Variants in CDH18 observed in about 807,000 individuals in gnomAD.
The protein encoded by CDH18 is cadherin 18.
A neutral mutation model predicts 67.9 loss-of-function variants in CDH18; 31 were observed. The ratio of observed to expected loss-of-function variants is 0.46; its 90% confidence interval spans 0.34 to 0.62. The LOEUF is 0.62. CDH18 is among the 20% of genes least tolerant of loss of function. The pLI is 0.01. For synonymous variants in CDH18, 362 were observed against 347.2 expected (o/e 1.04, Z -0.48); for missense variants, 890 against 975.5 (o/e 0.91, Z 1.17).
intron 1 of CDH18, among the ~76,000 whole-genome samples, chr5:20,472,294 T>C (rs892939328): frequency 6.6e-6 from 1 of 152,230 alleles, no homozygotes; most frequent in African/African-American, 2.4e-5. Context: ...TTAAATTATT[T>C]GTATTCCATA....
chr5:19,896,036 C>T (rs948269312), intron 2 of CDH18, among the ~76,000 whole-genome samples: 11 of 151,670 alleles, frequency 7.3e-5, no homozygotes, highest in Non-Finnish European at 1.6e-4. Context: ...ATGGTCCTTG[C>T]AGATATGGTT....
intron 2 of CDH18, among the ~76,000 whole-genome samples, chr5:20,088,965 A>AC (rs1745202035): frequency 1.3e-5 from 2 of 151,848 alleles, no homozygotes; most frequent in Admixed American, 1.3e-4. Context: ...AAAATTTGGG[A>AC]CCCCTCCTGG....
At chr5:19,684,879 C>T (rs1760851148) in intron 5 of CDH18, among the ~76,000 whole-genome samples, 1 of 152,056 alleles carries the variant, frequency 6.6e-6, no homozygotes, top group African/African-American at 2.4e-5. Context: ...TTCCTTATTA[C>T]AGCTTTTTTG....
At chr5:20,028,551 C>A (rs184447382) in intron 2 of CDH18, among the ~76,000 whole-genome samples, 2 of 152,226 alleles carry the variant, frequency 1.3e-5, no homozygotes, top group African/African-American at 2.4e-5. Flanking sequence ...GTTTTCCATA[C>A]GGTAGCCTCG....
intron 1 of CDH18, among the ~76,000 whole-genome samples, chr5:20,347,916 C>T (rs568908151): frequency 5.4e-4 from 82 of 152,194 alleles, no homozygotes; most frequent in African/African-American, 1.8e-3. Context: ...GCTTTCCAGC[C>T]CCCTCTCTTT....
At chr5:20,106,794 T>C (rs940898242) in intron 2 of CDH18, among the ~76,000 whole-genome samples, 3 of 152,188 alleles carry the variant, frequency 2.0e-5, no homozygotes, top group Non-Finnish European at 4.4e-5. Flanking sequence ...TAATATCCAA[T>C]GACCTATTTG....
chr5:19,515,459 T>C, intron 10 of CDH18, among the ~76,000 whole-genome samples: 1 of 151,532 alleles, frequency 6.6e-6, no homozygotes, highest in Non-Finnish European at 1.5e-5. Flanking sequence ...TTTCATGATA[T>C]TGATTCTTCC....
At chr5:19,774,773 C>A (rs1432626274) in intron 3 of CDH18, among the ~76,000 whole-genome samples, 1 of 113,444 alleles carries the variant, frequency 8.8e-6, no homozygotes, top group Non-Finnish European at 1.7e-5. Context: ...CACACCATTG[C>A]ACTACAGCCT....
chr5:19,680,213 T>C (rs1760090236), intron 5 of CDH18, among the ~76,000 whole-genome samples: 2 of 152,088 alleles, frequency 1.3e-5, no homozygotes, highest in African/African-American at 2.4e-5. Context: ...TTGTGATAAC[T>C]GCCTAGCCAT....
intron 2 of CDH18, among the ~76,000 whole-genome samples, chr5:19,970,241 C>T (rs1476886750): frequency 1.3e-5 from 2 of 151,044 alleles, no homozygotes; most frequent in Admixed American, 6.6e-5. Flanking sequence ...AGTATTAATA[C>T]ATATTATATA....
chr5:19,475,776 G>C (rs1738356041), intron 12 of CDH18, among the ~76,000 whole-genome samples: 1 of 151,890 alleles, frequency 6.6e-6, no homozygotes, highest in African/African-American at 2.4e-5. Context: ...ACTGCATTGT[G>C]TCTGGCAACC....
chr5:20,545,381 T>A (rs1160495797), intron 1 of CDH18, among the ~76,000 whole-genome samples: 1 of 152,226 alleles, frequency 6.6e-6, no homozygotes, highest in Non-Finnish European at 1.5e-5. Flanking sequence ...ATTTTCCCTC[T>A]GCATTGCCCT....
intron 1 of CDH18, among the ~76,000 whole-genome samples, chr5:20,477,969 C>A (rs767360801): frequency 2.0e-5 from 3 of 152,124 alleles, no homozygotes; most frequent in Non-Finnish European, 4.4e-5. Flanking sequence ...GGTCCTAGAT[C>A]CCAGTTGATA....
intron 5 of CDH18, among the ~76,000 whole-genome samples, chr5:19,696,753 C>G (rs183812598): frequency 6.6e-6 from 1 of 151,994 alleles, no homozygotes; most frequent in Non-Finnish European, 1.5e-5. Flanking sequence ...GATGAGAGTA[C>G]GGGAACCACC....
intron 2 of CDH18, among the ~76,000 whole-genome samples, chr5:19,893,390 G>A (rs908907716): frequency 2.0e-5 from 3 of 152,066 alleles, no homozygotes; most frequent in East Asian, 1.9e-4. Context: ...CCCAAATAGC[G>A]TTTGCATATA....
chr5:20,379,314 T>C (rs1369820303), intron 1 of CDH18, among the ~76,000 whole-genome samples: 3 of 152,188 alleles, frequency 2.0e-5, no homozygotes, highest in Non-Finnish European at 2.9e-5. Flanking sequence ...TATTGCATAA[T>C]AGAAGATATG....
At chr5:20,422,335 T>A (rs1257744211) in intron 1 of CDH18, among the ~76,000 whole-genome samples, 1 of 151,084 alleles carries the variant, frequency 6.6e-6, no homozygotes, top group Non-Finnish European at 1.5e-5. Flanking sequence ...TTGTATTATA[T>A]GTGATAAGAT....
intron 5 of CDH18, among the ~76,000 whole-genome samples, chr5:19,634,051 G>A (rs1752769192): frequency 6.6e-6 from 1 of 152,046 alleles, no homozygotes; most frequent in East Asian, 1.9e-4. Context: ...TCCAACTAAT[G>A]GGAATTTGCT....
intron 5 of CDH18, among the ~76,000 whole-genome samples, chr5:19,717,780 G>T (rs928841567): frequency 6.6e-6 from 1 of 151,818 alleles, no homozygotes; most frequent in Non-Finnish European, 1.5e-5. Context: ...ATAGTAAAAT[G>T]TTTTCTTTAA....
Sources: gnomAD v4.1 joint callset for allele counts (sites outside exome capture counted in the v4.1 genomes callset) on GRCh38, gnomAD v4.1.1 for gene constraint, MANE v1.5 for transcripts, NCBI Gene and HGNC (gene_info 2026-07-23, HGNC 2026-07-21) for gene names.